PKNOX2: variants seen among roughly 807,000 people sequenced by gnomAD.
The protein encoded by PKNOX2 is PBX/knotted 1 homeobox 2.
PKNOX2 carries 14 observed loss-of-function variants against 53.1 expected under a neutral mutation model. The observed-to-expected ratio is 0.26, with a 90% CI of 0.17 to 0.41. The LOEUF is 0.41. Ranked by LOEUF, PKNOX2 falls within the 10% of genes least tolerant of loss-of-function variation. The pLI is 1.00. For missense variants in PKNOX2, 496 were observed against 602.8 expected, an observed-to-expected ratio of 0.82 and a Z score of 1.85; for synonymous variants, 257 against 242.8, an observed-to-expected ratio of 1.06 and a Z score of -0.54.
intron 3 of PKNOX2, among the ~76,000 whole-genome samples, chr11:125,338,041 G>A (rs955378952): frequency 1.3e-5 from 2 of 152,200 alleles, no homozygotes. Flanking sequence ...GGCTGAGGCT[G>A]GGTTTCAGGT....
At chr11:125,181,816 A>T (rs1466780237) in intron 1 of PKNOX2, among the ~76,000 whole-genome samples, 3 of 152,132 alleles carry the variant, frequency 2.0e-5, no homozygotes, top group African/African-American at 4.8e-5. Flanking sequence ...TGGGCCAGTA[A>T]CCCCATGCTA....
At chr11:125,186,012 A>T (rs906730122) in intron 1 of PKNOX2, among the ~76,000 whole-genome samples, 8 of 150,738 alleles carry the variant, frequency 5.3e-5, no homozygotes, top group African/African-American at 2.0e-4. Flanking sequence ...AAGAATCTCA[A>T]TTTTTTTCAC....
intron 10 of PKNOX2, 148 bp from the exon 11 acceptor site, chr11:125,428,864 G>A: frequency 1.4e-6 from 1 of 723,344 alleles, no homozygotes; most frequent in Non-Finnish European, 2.3e-6. Context: ...ATTCTCTGTG[G>A]GGAGCAAACA....
intron 1 of PKNOX2, among the ~76,000 whole-genome samples, chr11:125,174,515 G>A (rs1433221497): frequency 7.2e-5 from 11 of 152,130 alleles, no homozygotes; most frequent in African/African-American, 2.2e-4. Context: ...ATTCTCCTAC[G>A]ACTGTCTGGG....
chr11:125,217,414 T>C (rs1294322757), intron 1 of PKNOX2, among the ~76,000 whole-genome samples: 1 of 152,208 alleles, frequency 6.6e-6, no homozygotes, highest in East Asian at 1.9e-4. Flanking sequence ...ATCTTCACGC[T>C]TCCACGTAGC....
intron 10 of PKNOX2, among the ~76,000 whole-genome samples, chr11:125,428,245 T>G (rs2135690618): frequency 1.3e-5 from 2 of 152,108 alleles, no homozygotes; most frequent in Middle Eastern, 6.8e-3. Context: ...TGCCCTGCTC[T>G]CTTTCTCACC....
chr11:125,389,222 A>ACAAAAAT (rs1953867515), intron 6 of PKNOX2, among the ~76,000 whole-genome samples: 1 of 151,674 alleles, frequency 6.6e-6, no homozygotes, highest in Non-Finnish European at 1.5e-5. Flanking sequence ...CAAACAAAAA[A>ACAAAAAT]CCCTAGGGAG....
chr11:125,415,985 A>T (rs1955850363), intron 10 of PKNOX2, among the ~76,000 whole-genome samples: 1 of 152,216 alleles, frequency 6.6e-6, no homozygotes, highest in African/African-American at 2.4e-5. Context: ...ATACTGTAAC[A>T]TCTATAAATT....
chr11:125,264,579 G>C (rs1945156210), intron 2 of PKNOX2, among the ~76,000 whole-genome samples: 1 of 152,060 alleles, frequency 6.6e-6, no homozygotes. Context: ...CTCGGGTGGG[G>C]TGGCGGGGCC....
At chr11:125,294,608 C>A (rs766425279) in intron 2 of PKNOX2, among the ~76,000 whole-genome samples, 1 of 152,088 alleles carries the variant, frequency 6.6e-6, no homozygotes, top group Non-Finnish European at 1.5e-5. Flanking sequence ...TGGAAGGGTT[C>A]GTGTGCACAG....
chr11:125,292,172 C>T (rs1045978141), intron 2 of PKNOX2, among the ~76,000 whole-genome samples: 4 of 152,240 alleles, frequency 2.6e-5, no homozygotes, highest in African/African-American at 9.6e-5. Flanking sequence ...GCCTCCCCAG[C>T]AGGCCTTTCT....
At chr11:125,182,164 C>CCCCAGTTTG (rs1363434173) in intron 1 of PKNOX2, among the ~76,000 whole-genome samples, 1 of 152,296 alleles carries the variant, frequency 6.6e-6, no homozygotes, top group Admixed American at 6.5e-5. Flanking sequence ...TGTCTAACCA[C>CCCCAGTTTG]CCCAGTTTGC....
chr11:125,209,201 A>G (rs1374628029), intron 1 of PKNOX2, among the ~76,000 whole-genome samples: 2 of 152,100 alleles, frequency 1.3e-5, no homozygotes, highest in African/African-American at 2.4e-5. Context: ...CAGGGTGGGG[A>G]GACTTTAAAT....
chr11:125,325,952 T>C (rs775182117), intron 2 of PKNOX2, among the ~76,000 whole-genome samples: 19 of 152,336 alleles, frequency 1.2e-4, no homozygotes, highest in Admixed American at 6.5e-5. Flanking sequence ...TCTTTGGCAA[T>C]GAATAATAAT....
At chr11:125,392,210 T>C (rs1954091676) in intron 6 of PKNOX2, among the ~76,000 whole-genome samples, 1 of 152,224 alleles carries the variant, frequency 6.6e-6, no homozygotes, top group African/African-American at 2.4e-5. Context: ...TTTAGCCCCT[T>C]TCAAATCTTG....
At chr11:125,275,058 G>T (rs1946066407) in intron 2 of PKNOX2, among the ~76,000 whole-genome samples, 1 of 152,226 alleles carries the variant, frequency 6.6e-6, no homozygotes, top group African/African-American at 2.4e-5. Context: ...AAGGGTCCCT[G>T]CCATCAAGGA....
intron 2 of PKNOX2, among the ~76,000 whole-genome samples, chr11:125,325,459 A>G (rs1034842286): frequency 5.9e-5 from 9 of 152,220 alleles, no homozygotes; most frequent in Non-Finnish European, 1.2e-4. Context: ...GGGAGCAGAA[A>G]GGAAGGAATG....
chr11:125,310,815 C>A (rs1948756558), intron 2 of PKNOX2, among the ~76,000 whole-genome samples: 1 of 152,032 alleles, frequency 6.6e-6, no homozygotes, highest in Non-Finnish European at 1.5e-5. Context: ...AAACTTGAAC[C>A]CTTTTAAAAT....
intron 2 of PKNOX2, among the ~76,000 whole-genome samples, chr11:125,286,304 AG>A: frequency 6.6e-6 from 1 of 152,370 alleles, no homozygotes. Context: ...ATGTCAACAA[AG>A]GTTTAATAAC....
Sources: allele counts gnomAD v4.1 joint callset (sites outside exome capture counted in the v4.1 genomes callset), GRCh38; gene constraint gnomAD v4.1.1; transcripts MANE v1.5; gene names NCBI Gene and HGNC (gene_info 2026-07-23, HGNC 2026-07-21).